Variants in DLG4 observed in about 807,000 individuals in gnomAD.
DLG4 encodes the protein disks large homolog 4.
In DLG4, 7 loss-of-function variants were observed where a neutral mutation model predicts 93.8. That is an observed-to-expected ratio of 0.07 (90% confidence interval 0.04 to 0.14). DLG4 has a LOEUF of 0.14. DLG4 is among the 10% of genes least tolerant of loss of function. DLG4 has a pLI of 1.00. For synonymous variants in DLG4, 341 were observed against 387.6 expected, an observed-to-expected ratio of 0.88 and a Z score of 1.41; for missense variants, 545 against 992.9, an observed-to-expected ratio of 0.55 and a Z score of 6.06.
Position 7,196,157 on chromosome 17 carries a change from GCCAGGCACAGAGTGC to G in DLG4, c.1301+48_1301+62del. ...GAGAAGAGGAGCGGCTGAGGCCCGG[GCCAGGCACAGAGTGC>G]CCAGGAACGCAGAGGGGCTGAGGAG... On this transcript the variant is annotated intron_variant, in intron 11 of 19. Transcript: ENST00000399506. This position sits in a 1 kb window ranked among gnomAD's most constrained non-coding sequence, Gnocchi z 8.3. The G allele has an allele frequency of 7.6e-7, 1 of 1,314,332 alleles. No individual in the cohort carries two copies. The highest frequency in any genetic ancestry group is 1.1e-6 in the Non-Finnish European group (1 of 932,814). 81.4% of individuals were successfully genotyped at this position (1,314,332 alleles called of 1,614,324 possible).
Position 7,191,436 on chromosome 17 carries a change from TA to T in DLG4, c.1977-79del. Reference sequence around the variant, plus strand: ...TTTTATCTCCTCTATCCAGGAATGTTAAGTATTCTTCTATTTGGAGCACATA... The same window carrying T: ...TTTTATCTCCTCTATCCAGGAATGTTAGTATTCTTCTATTTGGAGCACATA... On this transcript the variant is annotated intron_variant, in intron 18 of 19. Transcript: ENST00000399506. This position sits in a 1 kb window ranked among gnomAD's most constrained non-coding sequence, Gnocchi z 6.6. The T allele has an allele frequency of 9.0e-7, 1 of 1,115,730 alleles. No homozygotes were observed. The highest frequency in any genetic ancestry group is 1.4e-6 in the Non-Finnish European group (1 of 738,214). 69.1% of individuals were successfully genotyped at this position (1,115,730 alleles called of 1,614,324 possible). A position where few individuals can be genotyped will look rare whatever the true frequency, so the allele number is the denominator to read the frequency against.
chr17:7,190,827 T>A lies in DLG4; in HGVS notation c.2069-13A>T, dbSNP rs922567321. 3.7e-6 allele frequency: 6 copies of A among 1,610,732 alleles called. No individual in the cohort carries two copies. The Admixed American group carries it at 6.7e-5, about 18-fold the overall frequency. Reference sequence around the variant, plus strand: ...CCCTCCACGATGGCTGGGAGTGGGGTGGAGCAGGGAGTGAGGCCAAGGAAG... The same window carrying A: ...CCCTCCACGATGGCTGGGAGTGGGGAGGAGCAGGGAGTGAGGCCAAGGAAG... On this transcript the variant is annotated splice_polypyrimidine_tract_variant and intron_variant, in intron 19 of 19. Coordinates refer to ENST00000399506, the MANE Select transcript of DLG4 (RefSeq NM_001321075.3).
At chr17:7,215,163 A>T (rs1012567694) in intron 1 of DLG4, among the ~76,000 whole-genome samples, 1 of 152,186 alleles carries the variant, frequency 6.6e-6, no homozygotes, top group Non-Finnish European at 1.5e-5. Context: ...TCGGGGCCTT[A>T]TGGGAGTTGG....
In DLG4 at chr17:7,194,145, AT is replaced by A; in HGVS notation, c.1479-146del. On this transcript the variant is annotated intron_variant, in intron 12 of 19. Transcript: ENST00000399506. The surrounding 1 kb of genome is among the most constrained non-coding windows in gnomAD (Gnocchi z 4.4). ...GCAGCCCTGGACACTGTGCTCCTCA[AT>A]AAGGAGTTGTCCTTCCCAAAGGCTC... The A allele has an allele frequency of 7.5e-7, 1 of 1,338,884 alleles. No homozygotes were observed. Among genetic ancestry groups the A allele is most frequent in the Non-Finnish European group, 1.0e-6 (1 of 981,928 alleles). 82.9% of individuals were successfully genotyped at this position (1,338,884 alleles called of 1,614,324 possible).
At position 7,196,774 on chromosome 17, in the gene DLG4, C is replaced by A; in HGVS notation, c.1066G>T (p.Gly356Trp). ...TCCCTCACCGACAGGATCTGGTCCC[C>A]CTTCCGCAGCTCCCCACTGAGGTCT... is the stretch of plus-strand genomic sequence containing the variant. ...PADLSGELRK[G>W]DQILSVNGVD... The change falls in exon 9 of 20, where the codon GGG becomes TGG. Residue 356 changes from glycine (G) to tryptophan (W), a missense_variant. Physicochemically the swap from Gly to Trp is radical, Grantham distance 184. This residue lies in a region of DLG4 where 428 missense variants were observed against 741.4 expected (regional missense o/e 0.58). Coordinates refer to ENST00000399506, the MANE Select transcript of DLG4 (RefSeq NM_001321075.3). This position sits in a 1 kb window ranked among gnomAD's most constrained non-coding sequence, Gnocchi z 8.3. 2 of 1,608,776 alleles carry A rather than the reference C, an allele frequency of 1.2e-6. No individual in the cohort carries two copies. The highest frequency in any genetic ancestry group is 8.5e-7 in the Non-Finnish European group (1 of 1,177,580).
rs1221234771 is a variant in DLG4 at position 7,196,154 on chromosome 17, C to T, written c.1301+66G>A. On this transcript the variant is annotated intron_variant, in intron 11 of 19. Transcript: ENST00000399506. This position sits in a 1 kb window ranked among gnomAD's most constrained non-coding sequence, Gnocchi z 8.3. ...GTGGAGAAGAGGAGCGGCTGAGGCC[C>T]GGGCCAGGCACAGAGTGCCCAGGAA... The T allele has an allele frequency of 4.7e-6, 6 of 1,285,316 alleles. No individual in the cohort carries two copies. Among genetic ancestry groups the T allele is most frequent in the South Asian group, 1.3e-5 (1 of 79,908 alleles). The allele number at this position is 1,285,316 out of a possible 1,614,324, so 79.6% of individuals were successfully genotyped here. A position where few individuals can be genotyped will look rare whatever the true frequency, so the allele number is the denominator to read the frequency against.
chr17:7,193,341 G>T lies in DLG4; in HGVS notation c.1693+142C>A. ...GGTACTATGGAATGAGAGGGTGGCTGAGAAGCACCCCTTCTCGGAGAAACC... is the reference window on the plus strand; with the variant it reads ...GGTACTATGGAATGAGAGGGTGGCTTAGAAGCACCCCTTCTCGGAGAAACC... On this transcript the variant is annotated intron_variant, in intron 16 of 19. Coordinates refer to ENST00000399506, the MANE Select transcript of DLG4 (RefSeq NM_001321075.3). The surrounding 1 kb of genome is among the most constrained non-coding windows in gnomAD (Gnocchi z 6.7). 9.8e-7 allele frequency: 1 copy of T among 1,023,540 alleles called. No homozygotes were observed. The highest frequency in any genetic ancestry group is 1.4e-6 in the Non-Finnish European group (1 of 715,150). 63.4% of individuals were successfully genotyped at this position (1,023,540 alleles called of 1,614,324 possible). A position where few individuals can be genotyped will look rare whatever the true frequency, so the allele number is the denominator to read the frequency against.
rs1052853867 is a variant in DLG4 at position 7,187,187 on chromosome 17, T to A, written c.*3521A>T. Reference sequence around the variant, plus strand: ...GGAAGGAAACTTTTTAAAAACAGTATGTATTTCTATATTTATTTGAATTGT... The same window carrying A: ...GGAAGGAAACTTTTTAAAAACAGTAAGTATTTCTATATTTATTTGAATTGT... On this transcript the variant is annotated 3_prime_UTR_variant, in exon 20 of 20. Coordinates refer to ENST00000399506, the MANE Select transcript of DLG4 (RefSeq NM_001321075.3). Among the ~76,000 whole-genome samples, 1 of 152,062 alleles carries A rather than the reference T, an allele frequency of 6.6e-6. No homozygotes were observed. The highest frequency in any genetic ancestry group is 2.4e-5 in the African/African-American group (1 of 41,424).
At chr17:7,211,955 A>G (rs968345904) in intron 1 of DLG4, among the ~76,000 whole-genome samples, 5 of 151,848 alleles carry the variant, frequency 3.3e-5, no homozygotes, top group African/African-American at 1.2e-4. Context: ...CACTTTCCAC[A>G]GTATACTTCT....
Position 7,189,366 on chromosome 17 carries a change from G to C in DLG4, c.*1342C>G, listed in dbSNP as rs2069380911. Among the ~76,000 whole-genome samples, 2 of 151,706 alleles carry C rather than the reference G, an allele frequency of 1.3e-5. No homozygotes were observed. Among genetic ancestry groups the C allele is most frequent in the Admixed American group, 1.3e-4 (2 of 15,234 alleles). ...TAGCCAGGCATGGTGGCAGTAATCT[G>C]TAATCCCAGCTACTCAGGGGGCTGA... On this transcript the variant is annotated 3_prime_UTR_variant, in exon 20 of 20. Coordinates refer to ENST00000399506, the MANE Select transcript of DLG4 (RefSeq NM_001321075.3).
In DLG4 at chr17:7,202,926, T is replaced by C. The variant is rs770575217; in HGVS notation, c.764A>G (p.Tyr255Cys). 17 of 1,613,988 alleles carry C rather than the reference T, an allele frequency of 1.1e-5. No homozygotes were observed. Among genetic ancestry groups the C allele is most frequent in the Non-Finnish European group, 1.4e-5 (16 of 1,179,874 alleles). ...KPSNAYLSDS[Y>C]APPDITTSYS... ...ACAGGTTGTGATGTCTGGGGGAGCA[T>C]AGCTGTCACTCAGGTAGGCATTGCT... is the stretch of plus-strand genomic sequence containing the variant. Residue 255 changes from tyrosine (Y) to cysteine (C), a missense_variant, in exon 8 of 20, where the codon TAT becomes TGT. Tyr to Cys is a radical substitution (Grantham distance 194). Around this residue, in one of 5 missense-constraint regions of DLG4, gnomAD observed 428 missense variants for 741.4 expected, o/e 0.58. Transcript: ENST00000399506.
In DLG4 at chr17:7,190,077, G is replaced by T; in HGVS notation, c.*631C>A. 8.2e-5 allele frequency: 6 copies of T among 73,052 alleles called. No individual in the cohort carries two copies. Among genetic ancestry groups the T allele is most frequent in the South Asian group, 5.0e-4 (1 of 2,002 alleles). The allele number at this position is 73,052 out of a possible 1,614,324, so 4.5% of individuals were successfully genotyped here. ...CCCTTTTCCCCAAAAAAATTCCCAG[G>T]AAAAAAAAAAAAAAAAGCCACATTT... On this transcript the variant is annotated 3_prime_UTR_variant, in exon 20 of 20. Coordinates refer to ENST00000399506, the MANE Select transcript of DLG4 (RefSeq NM_001321075.3).
chr17:7,191,750 C>G lies in DLG4; in HGVS notation c.1976+143G>C. 3.3e-6 allele frequency: 2 copies of G among 611,908 alleles called. No homozygotes were observed. The highest frequency in any genetic ancestry group is 3.2e-5 in the Admixed American group (1 of 31,578). 37.9% of individuals were successfully genotyped at this position (611,908 alleles called of 1,614,324 possible). On this transcript the variant is annotated intron_variant, in intron 18 of 19. Transcript: ENST00000399506. The surrounding 1 kb of genome is among the most constrained non-coding windows in gnomAD (Gnocchi z 6.6). ...GGGAAAGACCCGATTCCCCCACATC[C>G]TCTGGGTTCCAGGGATCCCCCTCAG...
chr17:7,200,542 CT>C (rs34670319), intron 8 of DLG4, among the ~76,000 whole-genome samples: 31 of 147,380 alleles, frequency 2.1e-4, no homozygotes, highest in African/African-American at 3.0e-4. Context: ...AGCCACATTC[CT>C]TTTTTTTTTT....
In DLG4 at chr17:7,190,926, A is replaced by G. The variant is rs941196073; in HGVS notation, c.2069-112T>C. The G allele has an allele frequency of 7.0e-5, 59 of 844,976 alleles. No homozygotes were observed. The Admixed American group carries it at 9.0e-4, about 13-fold the overall frequency. 52.3% of individuals were successfully genotyped at this position (844,976 alleles called of 1,614,324 possible). On this transcript the variant is annotated intron_variant, in intron 19 of 19. Coordinates refer to ENST00000399506, the MANE Select transcript of DLG4 (RefSeq NM_001321075.3). ...GCACCTCTTTCCAACTCTCCAAGCCATAAGTCCTGGGGCTGCACCCGCCCA... is the reference window on the plus strand; with the variant it reads ...GCACCTCTTTCCAACTCTCCAAGCCGTAAGTCCTGGGGCTGCACCCGCCCA...
rs533328021 is a variant in DLG4 at position 7,194,363 on chromosome 17, A to G, written c.1434T>C (p.Ser478=). The change falls in exon 12 of 20, where the codon TCT becomes TCC. Residue 478 remains serine, a synonymous_variant. Transcript: ENST00000399506. This position sits in a 1 kb window ranked among gnomAD's most constrained non-coding sequence, Gnocchi z 4.4. Reference sequence around the variant, plus strand: ...ACCCAATGTCGTCGGTCTCACTGTCAGAGTGGACCCGCCGTGCCTGCCACC... The same window carrying G: ...ACCCAATGTCGTCGGTCTCACTGTCGGAGTGGACCCGCCGTGCCTGCCACC... The part of the protein sequence containing the change: ...EEWWQARRVH[S]DSETDDIGFI... 1 of 1,607,462 alleles carries G rather than the reference A, an allele frequency of 6.2e-7. No homozygotes were observed. Among genetic ancestry groups the G allele is most frequent in the African/African-American group, 1.3e-5 (1 of 74,874 alleles).
At chr17:7,217,642 G>C (rs1326201987), upstream of DLG4, 1 of 1,267,828 alleles carries the variant, frequency 7.9e-7, no homozygotes, top group Non-Finnish European at 1.1e-6. Context: ...AGGAAGCAGG[G>C]GGAGGGAGGG....
In DLG4 at chr17:7,196,723, G is replaced by C. The variant is rs768887387; in HGVS notation, c.1083+34C>G. On this transcript the variant is annotated intron_variant, in intron 9 of 19. Transcript: ENST00000399506. This position sits in a 1 kb window ranked among gnomAD's most constrained non-coding sequence, Gnocchi z 8.3. ...GCTCTGCGCTCTGCCCTGTGGGGAG[G>C]GGGTGGTGCAGGTAGGGGCAGGCCT... 1.0e-5 allele frequency: 16 copies of C among 1,586,182 alleles called. No individual in the cohort carries two copies. The African/African-American group carries it at 1.6e-4, about 16-fold the overall frequency.
At chr17:7,202,832 G>A in intron 8 of DLG4, 71 bp downstream of exon 8, 1 of 1,580,456 alleles carries the variant, frequency 6.3e-7, no homozygotes, top group Non-Finnish European at 8.7e-7. Flanking sequence ...CTACAGGGAT[G>A]TCGTGGGACT....
Sources: gnomAD v4.1 joint callset for allele counts (sites outside exome capture counted in the v4.1 genomes callset) on GRCh38, gnomAD v4.1.1 for gene constraint, gnomAD v4.1.1 regional missense constraint, Gnocchi (gnomAD v3.1) non-coding constraint, MANE v1.5 for transcripts, NCBI Gene and HGNC (gene_info 2026-07-23, HGNC 2026-07-21) for gene names.